SPEN: variants seen among roughly 807,000 people sequenced by gnomAD.
SPEN encodes msx2-interacting protein.
Under a neutral mutation model 269.9 loss-of-function variants are expected in SPEN, and 18 were observed. The ratio of observed to expected loss-of-function variants is 0.07; its 90% CI spans 0.05 to 0.10. The LOEUF (loss-of-function observed/expected upper bound fraction) is 0.10, where lower values mean the gene tolerates loss of function less well. SPEN is among the 10% of genes least tolerant of loss of function. The pLI is 1.00. For synonymous variants in SPEN, 1,726 were observed against 1,765.7 expected, an observed-to-expected ratio of 0.98 and a Z score of 0.56; for missense variants, 3,822 against 4,631.2, an observed-to-expected ratio of 0.83 and a Z score of 5.07.
intron 3 of SPEN, among the ~76,000 whole-genome samples, chr1:15,907,188 A>G (rs1157014257): frequency 6.6e-6 from 1 of 152,178 alleles, no homozygotes; most frequent in African/African-American, 2.4e-5. Flanking sequence ...AGTTTTAAAA[A>G]AATGCTGTAG....
chr1:15,852,218 AC>A (rs891615219), intron 1 of SPEN, among the ~76,000 whole-genome samples: 1 of 152,124 alleles, frequency 6.6e-6, no homozygotes, highest in African/African-American at 2.4e-5. Flanking sequence ...TATCATTGTT[AC>A]GTCGCTTCTT....
chr1:15,849,168 A>G (rs1384847085), intron 1 of SPEN, among the ~76,000 whole-genome samples: 1 of 152,228 alleles, frequency 6.6e-6, no homozygotes, highest in Non-Finnish European at 1.5e-5. Flanking sequence ...GTGCAGATTC[A>G]GAGGGACCAT....
chr1:15,935,885 G>T lies in SPEN; in HGVS notation c.9645G>T (p.Gly3215=). The change falls in exon 11 of 15, where the codon GGG becomes GGT. Residue 3215 remains glycine, a synonymous_variant. Transcript: ENST00000375759. This position sits in a 1 kb window ranked among gnomAD's most constrained non-coding sequence, Gnocchi z 7.7. ...AVSEQPRAAD[G]VVKVPPASKA... ...GCGAGCAGCCCAGGGCCGCGGATGGGGTGGTGAAGGTGCCACCAGCCAGCA... is the reference window on the plus strand; with the variant it reads ...GCGAGCAGCCCAGGGCCGCGGATGGTGTGGTGAAGGTGCCACCAGCCAGCA... The T allele has an allele frequency of 2.5e-6, 4 of 1,613,350 alleles. No individual in the cohort carries two copies. The highest frequency in any genetic ancestry group is 3.4e-6 in the Non-Finnish European group (4 of 1,179,976).
At chr1:15,859,779 T>C (rs1042104897) in intron 1 of SPEN, among the ~76,000 whole-genome samples, 3 of 152,148 alleles carry the variant, frequency 2.0e-5, no homozygotes, top group Admixed American at 2.0e-4. Flanking sequence ...GAGAGGACTT[T>C]TCCTAAAAAG....
At chr1:15,925,210 C>A (rs1202491874) in intron 10 of SPEN, among the ~76,000 whole-genome samples, 1 of 152,156 alleles carries the variant, frequency 6.6e-6, no homozygotes, top group Non-Finnish European at 1.5e-5. Context: ...TGGGGATAAA[C>A]CTAGGGTTCC....
chr1:15,923,026 T>C (rs2071134178), intron 10 of SPEN, among the ~76,000 whole-genome samples: 1 of 152,170 alleles, frequency 6.6e-6, no homozygotes, highest in Non-Finnish European at 1.5e-5. Context: ...TGGCTACATA[T>C]TTAGTAATGA....
In SPEN at chr1:15,937,252, CCAGCTCGGT is replaced by C; in HGVS notation, c.10121_10129del (p.Leu3374_Gln3376del). The stretch of plus-strand genomic sequence containing the variant: ...AGCCTGCACCACCCTGCCCGCCCTC[CCAGCTCGGT>C]CAGCCCGGCCAGCCACCAAGCAGCA... On this transcript the variant is annotated inframe_deletion, in exon 12 of 15. Transcript: ENST00000375759. The surrounding 1 kb of genome is among the most constrained non-coding windows in gnomAD (Gnocchi z 5.7). 6.2e-7 allele frequency: 1 copy of C among 1,613,870 alleles called. No homozygotes were observed. The highest frequency in any genetic ancestry group is 8.5e-7 in the Non-Finnish European group (1 of 1,179,996).
At chr1:15,868,727 C>T (rs1157069449) in intron 1 of SPEN, among the ~76,000 whole-genome samples, 6 of 152,342 alleles carry the variant, frequency 3.9e-5, no homozygotes, top group South Asian at 2.1e-4. Context: ...AGCCACCGTG[C>T]CCAGCCAGAA....
At chr1:15,936,519 C>T (rs1252079786) in intron 11 of SPEN, among the ~76,000 whole-genome samples, 2 of 151,704 alleles carry the variant, frequency 1.3e-5, no homozygotes, top group Non-Finnish European at 2.9e-5. Context: ...TGTGGTGGCA[C>T]ACACCTGTGG....
At chr1:15,871,150 G>A (rs1257226191) in intron 1 of SPEN, among the ~76,000 whole-genome samples, 1 of 151,932 alleles carries the variant, frequency 6.6e-6, no homozygotes, top group Non-Finnish European at 1.5e-5. Flanking sequence ...TGTATTTTTA[G>A]TAGAGGTGGG....
At chr1:15,903,488 G>C (rs1289445736) in intron 3 of SPEN, among the ~76,000 whole-genome samples, 4 of 152,154 alleles carry the variant, frequency 2.6e-5, no homozygotes, top group African/African-American at 9.7e-5. Flanking sequence ...CCTGGGCTTA[G>C]ATAATCCTCC....
chr1:15,886,938 A>G (rs1442634304), intron 3 of SPEN, among the ~76,000 whole-genome samples: 6 of 152,154 alleles, frequency 3.9e-5, no homozygotes, highest in South Asian at 2.1e-4. Context: ...CAAAGTTGTG[A>G]CATGACATGA....
At chr1:15,864,614 T>G (rs1316753390) in intron 1 of SPEN, among the ~76,000 whole-genome samples, 1 of 146,340 alleles carries the variant, frequency 6.8e-6, no homozygotes, top group African/African-American at 2.5e-5. Flanking sequence ...TGGGTTTTTT[T>G]TTTTTTTTTT....
chr1:15,871,289 A>AT (rs1162379419), intron 1 of SPEN, among the ~76,000 whole-genome samples: 1 of 152,046 alleles, frequency 6.6e-6, no homozygotes, highest in Non-Finnish European at 1.5e-5. Context: ...TTTTAAAACC[A>AT]TATAGTTAAT....
chr1:15,930,674 A>G lies in SPEN; in HGVS notation c.4434A>G (p.Lys1478=), dbSNP rs1383715532. 6.2e-7 allele frequency: 1 copy of G among 1,614,066 alleles called. No homozygotes were observed. Among genetic ancestry groups the G allele is most frequent in the East Asian group, 2.2e-5 (1 of 44,886 alleles). ...DSRFANFRNN[K]DKEKVDSAPR... ...GATTTGCAAATTTTCGAAACAACAAAGATAAAGAAAAGGTTGACTCTGCTC... is the reference window on the plus strand; with the variant it reads ...GATTTGCAAATTTTCGAAACAACAAGGATAAAGAAAAGGTTGACTCTGCTC... Residue 1478 remains lysine, a synonymous_variant, in exon 11 of 15, where the codon AAA becomes AAG. Coordinates refer to ENST00000375759, the MANE Select transcript of SPEN (RefSeq NM_015001.3). This position sits in a 1 kb window ranked among gnomAD's most constrained non-coding sequence, Gnocchi z 5.3.
chr1:15,852,551 A>G (rs181346045), intron 1 of SPEN, among the ~76,000 whole-genome samples: 1 of 152,284 alleles, frequency 6.6e-6, no homozygotes, highest in Non-Finnish European at 1.5e-5. Flanking sequence ...ATTGGAGGAA[A>G]ATATAGGGCT....
At chr1:15,926,858 A>T (rs2071172454) in intron 10 of SPEN, among the ~76,000 whole-genome samples, 1 of 151,996 alleles carries the variant, frequency 6.6e-6, no homozygotes, top group African/African-American at 2.4e-5. Flanking sequence ...ATGCCCGCCT[A>T]ATTTTTTCTA....
chr1:15,938,086 C>T lies in SPEN; in HGVS notation c.10704+80C>T, dbSNP rs1042973469. ...AGGTAGTCCCTGCCAGCCCATCTCC[C>T]TGGCCTGTCATGGAAGCATTAACTG... On this transcript the variant is annotated intron_variant, in intron 13 of 14. Transcript: ENST00000375759. 4 of 1,284,874 alleles carry T rather than the reference C, an allele frequency of 3.1e-6. No homozygotes were observed. The African/African-American group carries it at 6.0e-5, about 19-fold the overall frequency. 79.6% of individuals were successfully genotyped at this position (1,284,874 alleles called of 1,614,324 possible). A position where few individuals can be genotyped will look rare whatever the true frequency, so the allele number is the denominator to read the frequency against.
At chr1:15,894,532 G>A (rs980377969) in intron 3 of SPEN, among the ~76,000 whole-genome samples, 3 of 140,842 alleles carry the variant, frequency 2.1e-5, no homozygotes, top group Non-Finnish European at 3.0e-5. Context: ...ACCATATTAT[G>A]GTTGTTTTTT....
Sources: gnomAD v4.1 joint callset for allele counts (sites outside exome capture counted in the v4.1 genomes callset) on GRCh38, gnomAD v4.1.1 for gene constraint, Gnocchi (gnomAD v3.1) non-coding constraint, MANE v1.5 for transcripts, NCBI Gene and HGNC (gene_info 2026-07-23, HGNC 2026-07-21) for gene names.